The following SEM1 variants were observed in gnomAD, a reference collection of about 807,000 sequenced individuals.
SEM1 encodes 26S proteasome complex subunit SEM1.
Under a neutral mutation model 12.7 loss-of-function variants are expected in SEM1, and 3 were observed. That is an observed-to-expected ratio of 0.24 (90% confidence interval 0.11 to 0.61). The LOEUF is 0.61. Ranked by LOEUF, SEM1 falls within the 20% of genes least tolerant of loss-of-function variation. The probability of loss-of-function intolerance (pLI) is 0.88; values close to 1 mark genes in which losing one functional copy is unlikely to be tolerated. For synonymous variants in SEM1, 30 were observed against 27.8 expected (o/e 1.08, Z -0.25); for missense variants, 59 against 81.3 (o/e 0.73, Z 1.06).
exon 4 of SEM1, chr7:96,482,124 T>G (rs1802565718): frequency 6.6e-6 from 1 of 152,214 alleles, no homozygotes; most frequent in African/African-American, 2.4e-5. Context: ...CTCCAAGAAT[T>G]CTGAAGCAAC....
intron 2 of SEM1, among the ~76,000 whole-genome samples, chr7:96,525,909 A>G (rs1489207041): frequency 1.3e-5 from 2 of 152,150 alleles, no homozygotes; most frequent in Admixed American, 6.5e-5. Context: ...CCCTCAGTCC[A>G]TGGAAACATG....
downstream of SEM1, among the ~76,000 whole-genome samples, chr7:96,686,712 C>G (rs547191351): frequency 6.6e-6 from 1 of 152,190 alleles, no homozygotes; most frequent in East Asian, 1.9e-4. Flanking sequence ...CATTAACATT[C>G]AGGACATAGG....
At chr7:96,528,739 C>G (rs1804545907) in intron 2 of SEM1, among the ~76,000 whole-genome samples, 1 of 152,046 alleles carries the variant, frequency 6.6e-6, no homozygotes, top group African/African-American at 2.4e-5. Context: ...CATTCCAGAC[C>G]TACTGATTCA....
chr7:96,681,113 A>T (rs1390617239), intron 2 of SEM1, among the ~76,000 whole-genome samples: 1 of 152,100 alleles, frequency 6.6e-6, no homozygotes, highest in Non-Finnish European at 1.5e-5. Context: ...TGCTTGGGTG[A>T]TATATCTTTG....
chr7:96,656,085 CA>C, intron 2 of SEM1, among the ~76,000 whole-genome samples: 1 of 152,318 alleles, frequency 6.6e-6, no homozygotes, highest in Non-Finnish European at 1.5e-5. Flanking sequence ...AGTCTGACCT[CA>C]GAAACAGGCT....
chr7:96,654,212 C>T (rs1192455520), intron 2 of SEM1, among the ~76,000 whole-genome samples: 1 of 152,208 alleles, frequency 6.6e-6, no homozygotes, highest in African/African-American at 2.4e-5. Context: ...ATACAGAAGA[C>T]ATAGGTCTCC....
At chr7:96,497,920 C>T (rs1186427213), upstream of SEM1, among the ~76,000 whole-genome samples, 1 of 152,054 alleles carries the variant, frequency 6.6e-6, no homozygotes, top group Non-Finnish European at 1.5e-5. Context: ...AGAGAAAACA[C>T]AAGCCTGATG....
At chr7:96,680,955 T>C (rs1789592875) in intron 2 of SEM1, among the ~76,000 whole-genome samples, 1 of 152,060 alleles carries the variant, frequency 6.6e-6, no homozygotes, top group South Asian at 2.1e-4. Flanking sequence ...GGTCGTGTTG[T>C]AGAATAATCA....
At chr7:96,677,194 G>C (rs1411264709) in intron 2 of SEM1, among the ~76,000 whole-genome samples, 1 of 152,176 alleles carries the variant, frequency 6.6e-6, no homozygotes, top group Non-Finnish European at 1.5e-5. Context: ...ACAGCCCTAA[G>C]AGGCCCAGGA....
intron 2 of SEM1, among the ~76,000 whole-genome samples, chr7:96,551,163 A>G (rs1348261552): frequency 6.6e-6 from 1 of 152,166 alleles, no homozygotes; most frequent in African/African-American, 2.4e-5. Context: ...AGAGGGTTAG[A>G]TAGGAAAGAC....
intron 2 of SEM1, among the ~76,000 whole-genome samples, chr7:96,557,853 C>T (rs535572223): frequency 4.7e-4 from 71 of 152,276 alleles, no homozygotes; most frequent in African/African-American, 1.6e-3. Flanking sequence ...GCTCCGTGGG[C>T]GTAGGACCCT....
At chr7:96,596,238 C>A (rs901649279) in intron 2 of SEM1, among the ~76,000 whole-genome samples, 14 of 152,180 alleles carry the variant, frequency 9.2e-5, no homozygotes, top group Non-Finnish European at 2.9e-5. Flanking sequence ...CACAAATAAA[C>A]CACTTGTAAA....
downstream of SEM1, among the ~76,000 whole-genome samples, chr7:96,685,095 G>A (rs1232035237): frequency 6.6e-6 from 1 of 152,002 alleles, no homozygotes; most frequent in African/African-American, 2.4e-5. Flanking sequence ...GGAACAGGAA[G>A]GATATAAATG....
chr7:96,490,615 A>T (rs141420520), intron 1 of SEM1, among the ~76,000 whole-genome samples: 41 of 152,286 alleles, frequency 2.7e-4, no homozygotes, highest in African/African-American at 8.9e-4. Context: ...AGGAGGCAGG[A>T]TGCCTGTTGT....
intron 2 of SEM1, among the ~76,000 whole-genome samples, chr7:96,663,733 A>G (rs760928223): frequency 6.6e-5 from 10 of 152,206 alleles, no homozygotes; most frequent in Non-Finnish European, 1.2e-4. Flanking sequence ...GGAAGTGAAA[A>G]AACAACCACA....
intron 2 of SEM1, among the ~76,000 whole-genome samples, chr7:96,692,175 T>C (rs1374028824): frequency 6.6e-6 from 1 of 152,334 alleles, no homozygotes; most frequent in Non-Finnish European, 1.5e-5. Flanking sequence ...AGGCAACATG[T>C]AATGATGTGA....
intron 2 of SEM1, among the ~76,000 whole-genome samples, chr7:96,513,519 A>T (rs1473491197): frequency 6.6e-6 from 1 of 152,108 alleles, no homozygotes; most frequent in Non-Finnish European, 1.5e-5. Context: ...CAGGTCTTTT[A>T]TCTATTAATA....
At chr7:96,547,459 G>C (rs1805136789) in intron 2 of SEM1, among the ~76,000 whole-genome samples, 1 of 152,146 alleles carries the variant, frequency 6.6e-6, no homozygotes, top group Non-Finnish European at 1.5e-5. Flanking sequence ...CATTTGAAAA[G>C]TGGCATATGT....
downstream of SEM1, among the ~76,000 whole-genome samples, chr7:96,672,042 C>T (rs949380589): frequency 1.3e-4 from 20 of 152,326 alleles, no homozygotes; most frequent in African/African-American, 4.8e-4. Context: ...TCAGTGTCCT[C>T]ATTGGGTGAA....
Sources: gnomAD v4.1 joint callset for allele counts (sites outside exome capture counted in the v4.1 genomes callset) on GRCh38, gnomAD v4.1.1 for gene constraint, MANE v1.5 for transcripts, NCBI Gene and HGNC (gene_info 2026-07-23, HGNC 2026-07-21) for gene names.